The following RNF157 variants were observed in gnomAD, a reference collection of about 807,000 sequenced individuals.
RNF157 encodes E3 ubiquitin ligase RNF157.
A neutral mutation model predicts 88.3 loss-of-function variants in RNF157; 55 were observed. That is an observed-to-expected ratio of 0.62 (90% CI 0.50 to 0.78). RNF157 has a LOEUF of 0.78. RNF157 is among the 30% of genes least tolerant of loss of function. The pLI is 0.00. For synonymous variants in RNF157, 334 were observed against 341.2 expected (o/e 0.98, Z 0.23); for missense variants, 788 against 860.8 (o/e 0.92, Z 1.06).
chr17:76,174,447 T>C (rs977695372), intron 2 of RNF157, among the ~76,000 whole-genome samples: 6 of 152,216 alleles, frequency 3.9e-5, no homozygotes, highest in African/African-American at 1.4e-4. Flanking sequence ...AAGTTCTGAG[T>C]TGTTGATAAT....
intron 7 of RNF157, 44 bp from the exon 8 acceptor site, chr17:76,164,839 T>TA (rs2068898222): frequency 7.0e-6 from 10 of 1,433,018 alleles, no homozygotes; most frequent in Non-Finnish European, 9.8e-6. Context: ...GGGAGGGTAA[T>TA]AAAGCACCAG....
chr17:76,158,463 T>A lies in RNF157; in HGVS notation c.1343A>T (p.Glu448Val). 6.2e-7 allele frequency: 1 copy of A among 1,613,960 alleles called. No individual in the cohort carries two copies. The highest frequency in any genetic ancestry group is 1.3e-5 in the African/African-American group (1 of 75,024). Residue 448 changes from glutamate (E) to valine (V), a missense_variant, in exon 13 of 19, where the codon GAA (glutamate) becomes GTA (valine). Physicochemically the swap from Glu to Val is moderately radical, Grantham distance 121. Transcript: ENST00000269391. ...CGACTCGCTGCAGGAATGCTCATCT[T>A]CCTCTTCATGCAGCACGGAAGAGTT... ...SQNSSVLHEE[E>V]DEHSCSESET...
chr17:76,155,440 T>G (rs979379728), intron 15 of RNF157, 122 bp downstream of exon 15: 25 of 1,445,286 alleles, frequency 1.7e-5, no homozygotes, highest in Non-Finnish European at 2.4e-5. Context: ...TGCCTTGTTT[T>G]CTGCAGCACT....
At chr17:76,179,697 C>CA (rs1424076630) in intron 2 of RNF157, among the ~76,000 whole-genome samples, 2 of 151,964 alleles carry the variant, frequency 1.3e-5, no homozygotes, top group Non-Finnish European at 2.9e-5. Flanking sequence ...GTCTCAAAAA[C>CA]AAAAAATAAG....
intron 1 of RNF157, among the ~76,000 whole-genome samples, chr17:76,235,267 G>A (rs140404141): frequency 0.14 from 20,372 of 150,682 alleles, 1,999 homozygotes; most frequent in African/African-American, 0.26. Context: ...GCACGATCTC[G>A]GCTCACTGCA....
Position 76,176,908 on chromosome 17 carries a change from G to A in RNF157, c.208-3118C>T, listed in dbSNP as rs373244691. 2.0e-5 allele frequency among the ~76,000 whole-genome samples: 3 copies of A among 152,270 alleles called. No homozygotes were observed. The highest frequency in any genetic ancestry group is 2.1e-4 in the South Asian group (1 of 4,826). Reference sequence around the variant, plus strand: ...GCGCAGCCACTGTGCCCACCCTGCCGAGGGTGCCAGGTTCCTGTGCCTCGG... The same window carrying A: ...GCGCAGCCACTGTGCCCACCCTGCCAAGGGTGCCAGGTTCCTGTGCCTCGG... On this transcript the variant is annotated intron_variant, in intron 2 of 18. Coordinates refer to ENST00000269391, the MANE Select transcript of RNF157 (RefSeq NM_052916.3). The surrounding 1 kb of genome is among the most constrained non-coding windows in gnomAD (Gnocchi z 4.2).
At chr17:76,165,475 A>G in intron 7 of RNF157, 27 bp downstream of exon 7, 1 of 1,612,816 alleles carries the variant, frequency 6.2e-7, no homozygotes, top group Non-Finnish European at 8.5e-7. Flanking sequence ...TAAAGGCAAT[A>G]AAGCGAGGCC....
intron 1 of RNF157, chr17:76,225,956 T>A (rs2070076292): frequency 2.5e-6 from 4 of 1,611,548 alleles, no homozygotes; most frequent in Non-Finnish European, 3.4e-6. Flanking sequence ...TTGCTCCATT[T>A]TTTTCAGCTT....
chr17:76,217,819 A>C (rs2069914895), intron 1 of RNF157, among the ~76,000 whole-genome samples: 1 of 152,232 alleles, frequency 6.6e-6, no homozygotes, highest in African/African-American at 2.4e-5. Flanking sequence ...AGTGAGCTAT[A>C]ATTTATTAAT....
chr17:76,147,137 C>T, intron 18 of RNF157: 6 of 984,970 alleles, frequency 6.1e-6, no homozygotes, highest in Non-Finnish European at 7.2e-6. Flanking sequence ...TTTTTTTTCA[C>T]CTCTAATGGT....
chr17:76,167,152 C>T (rs201798498), intron 4 of RNF157, 26 bp from the exon 5 acceptor site: 114 of 1,561,586 alleles, frequency 7.3e-5, no homozygotes, highest in Non-Finnish European at 9.9e-5. Context: ...GGAGGCAAAG[C>T]AAAAGTCAGT....
chr17:76,240,299 A>G lies in RNF157; in HGVS notation c.-59T>C. 1 of 861,472 alleles carries G rather than the reference A, an allele frequency of 1.2e-6. No individual in the cohort carries two copies. The allele number at this position is 861,472 out of a possible 1,614,324, so 53.4% of individuals were successfully genotyped here. A position where few individuals can be genotyped will look rare whatever the true frequency, so the allele number is the denominator to read the frequency against. On this transcript the variant is annotated 5_prime_UTR_variant, in exon 1 of 19. It removes the in-frame stop codon of an upstream open reading frame in the 5' UTR. Coordinates refer to ENST00000269391, the MANE Select transcript of RNF157 (RefSeq NM_052916.3). The surrounding 1 kb of genome is among the most constrained non-coding windows in gnomAD (Gnocchi z 4.4). ...GTGCCCGCGCCGCCCTCCGCGCTTC[A>G]CCGCGGCCGCCCGCCCCGCGCCCGG...
At chr17:76,182,036 A>C (rs16968692) in intron 2 of RNF157, among the ~76,000 whole-genome samples, 27,972 of 152,154 alleles carry the variant, frequency 0.18, 2,613 homozygotes, top group Middle Eastern at 0.25. Flanking sequence ...TGAAGAGTCA[A>C]GCAAACCTCT....
intron 1 of RNF157, among the ~76,000 whole-genome samples, chr17:76,225,087 G>A (rs916492524): frequency 1.3e-5 from 2 of 151,888 alleles, no homozygotes; most frequent in East Asian, 3.8e-4. Context: ...CAGAAGAATC[G>A]CTTGAACCTG....
intron 2 of RNF157, among the ~76,000 whole-genome samples, chr17:76,180,876 A>G (rs1407877513): frequency 6.6e-6 from 1 of 152,176 alleles, no homozygotes; most frequent in East Asian, 1.9e-4. Flanking sequence ...GTATGCTCTT[A>G]TTTCACATTC....
At position 76,195,627 on chromosome 17, in the gene RNF157, C is replaced by A. The variant is rs902748563; in HGVS notation, c.207+16737G>T. On this transcript the variant is annotated intron_variant, in intron 2 of 18. Transcript: ENST00000269391. This position sits in a 1 kb window ranked among gnomAD's most constrained non-coding sequence, Gnocchi z 4.4. ...CAAAATGCCCCAAAAAAGCTCAATGCCTGCAAACAATAGAGTGGATAAATT... is the reference window on the plus strand; with the variant it reads ...CAAAATGCCCCAAAAAAGCTCAATGACTGCAAACAATAGAGTGGATAAATT... Among the ~76,000 whole-genome samples the A allele has an allele frequency of 6.6e-6, 1 of 152,246 alleles. No homozygotes were observed. Among genetic ancestry groups the A allele is most frequent in the East Asian group, 1.9e-4 (1 of 5,184 alleles).
At chr17:76,151,993 C>T (rs758764448) in intron 18 of RNF157, among the ~76,000 whole-genome samples, 5 of 152,164 alleles carry the variant, frequency 3.3e-5, no homozygotes, top group East Asian at 1.9e-4. Context: ...CCAAGACCTT[C>T]GTAGAGAGGT....
At chr17:76,199,994 T>G (rs1598424489) in intron 2 of RNF157, among the ~76,000 whole-genome samples, 1 of 152,146 alleles carries the variant, frequency 6.6e-6, no homozygotes, top group Middle Eastern at 3.4e-3. Flanking sequence ...TCCCAGCACT[T>G]TGGGAGGCCG....
At chr17:76,182,427 C>T (rs1598410103) in intron 2 of RNF157, among the ~76,000 whole-genome samples, 1 of 149,580 alleles carries the variant, frequency 6.7e-6, no homozygotes, top group Non-Finnish European at 1.5e-5. Flanking sequence ...CATTCACATA[C>T]ACATGGGCAC....
Sources: gnomAD v4.1 joint callset for allele counts (sites outside exome capture counted in the v4.1 genomes callset) on GRCh38, gnomAD v4.1.1 for gene constraint, Gnocchi (gnomAD v3.1) non-coding constraint, MANE v1.5 for transcripts, NCBI Gene and HGNC (gene_info 2026-07-23, HGNC 2026-07-21) for gene names.